The following HOMER2 variants were observed in gnomAD, a reference collection of about 807,000 sequenced individuals.
HOMER2 encodes the protein homer scaffold protein 2.
Under a neutral mutation model 47.0 loss-of-function variants are expected in HOMER2, and 27 were observed. The ratio of observed to expected loss-of-function variants is 0.57; its 90% confidence interval spans 0.42 to 0.79. HOMER2 has a LOEUF of 0.79. Ranked by LOEUF, HOMER2 falls within the 30% of genes least tolerant of loss-of-function variation. The pLI is 0.00. For synonymous variants in HOMER2, 161 were observed against 163.8 expected (o/e 0.98, Z 0.13); for missense variants, 443 against 435.0 (o/e 1.02, Z -0.16).
At chr15:82,948,332 A>C (rs1373089021) in intron 1 of HOMER2, among the ~76,000 whole-genome samples, 2 of 148,464 alleles carry the variant, frequency 1.3e-5, no homozygotes, top group East Asian at 2.0e-4. Flanking sequence ...CGGAGCTTGC[A>C]GTGAGCCAAG....
chr15:82,858,510 G>A (rs972641858), intron 5 of HOMER2, among the ~76,000 whole-genome samples: 1 of 152,124 alleles, frequency 6.6e-6, no homozygotes, highest in Admixed American at 6.5e-5. Context: ...TACCCAGGCT[G>A]GTCTCAAACT....
downstream of HOMER2, among the ~76,000 whole-genome samples, chr15:82,847,890 G>A (rs1363414345): frequency 6.6e-6 from 1 of 152,200 alleles, no homozygotes; most frequent in African/African-American, 2.4e-5. Context: ...GGTGCAGCCA[G>A]GAGGGAGCTG....
At chr15:82,872,878 T>A (rs1034403322) in intron 3 of HOMER2, among the ~76,000 whole-genome samples, 3 of 151,966 alleles carry the variant, frequency 2.0e-5, no homozygotes, top group Non-Finnish European at 4.4e-5. Flanking sequence ...GACAAAGAGG[T>A]TTGAGCAACA....
chr15:82,918,301 G>T (rs1264392286), intron 1 of HOMER2, among the ~76,000 whole-genome samples: 1 of 152,148 alleles, frequency 6.6e-6, no homozygotes, highest in Non-Finnish European at 1.5e-5. Context: ...TCAGGCCACG[G>T]TGCTCTGGGG....
exon 2 of HOMER2, chr15:82,840,148 C>T (rs915397139): frequency 6.6e-6 from 1 of 151,878 alleles, no homozygotes; most frequent in Admixed American, 6.6e-5. Context: ...AAAGTCGTAC[C>T]TTACAATGTT....
At chr15:82,946,846 A>C (rs2054394186) in intron 1 of HOMER2, among the ~76,000 whole-genome samples, 1 of 152,178 alleles carries the variant, frequency 6.6e-6, no homozygotes, top group African/African-American at 2.4e-5. Flanking sequence ...TGGCTGTGTA[A>C]CCATCAGTGT....
At chr15:82,931,264 G>A (rs1309228487) in intron 1 of HOMER2, among the ~76,000 whole-genome samples, 1 of 152,168 alleles carries the variant, frequency 6.6e-6, no homozygotes, top group Non-Finnish European at 1.5e-5. Context: ...ACAGAGCTCT[G>A]CCCTTGAGAG....
At chr15:82,897,043 G>C (rs2052946257) in intron 1 of HOMER2, among the ~76,000 whole-genome samples, 1 of 146,664 alleles carries the variant, frequency 6.8e-6, no homozygotes, top group Non-Finnish European at 1.5e-5. Flanking sequence ...GTATATGACA[G>C]GTCTGAAATT....
intron 1 of HOMER2, among the ~76,000 whole-genome samples, chr15:82,969,276 T>A (rs2029902146): frequency 6.6e-6 from 1 of 152,154 alleles, no homozygotes; most frequent in Admixed American, 6.5e-5. Context: ...TGCAGTAAGG[T>A]CTTGAAGCAA....
intron 4 of HOMER2, among the ~76,000 whole-genome samples, chr15:82,861,721 C>A (rs139798991): frequency 0.016 from 2,396 of 152,138 alleles, 66 homozygotes; most frequent in African/African-American, 0.055. Flanking sequence ...AAAAAGCATA[C>A]AAGGGCCGGG....
At chr15:82,931,433 T>G (rs2151196257) in intron 1 of HOMER2, among the ~76,000 whole-genome samples, 1 of 152,248 alleles carries the variant, frequency 6.6e-6, no homozygotes, top group Non-Finnish European at 1.5e-5. Flanking sequence ...GTAGCTTTTT[T>G]TAGCTCCCTC....
intron 1 of HOMER2, among the ~76,000 whole-genome samples, chr15:82,929,941 G>T (rs2053964897): frequency 6.6e-6 from 1 of 151,704 alleles, no homozygotes; most frequent in Non-Finnish European, 1.5e-5. Flanking sequence ...TGTTGGTCAG[G>T]CTGGTCTTGA....
chr15:82,966,817 A>G (rs2054679337), intron 1 of HOMER2, among the ~76,000 whole-genome samples: 1 of 152,216 alleles, frequency 6.6e-6, no homozygotes. Flanking sequence ...TGAAACTAAT[A>G]GCATCTTGTC....
intron 2 of HOMER2, among the ~76,000 whole-genome samples, chr15:82,886,970 A>C (rs1169789619): frequency 0.022 from 18 of 806 alleles, no homozygotes; most frequent in Non-Finnish European, 0.018. Context: ...TCATTAGTTG[A>C]TGCAGTTTCT....
chr15:82,982,745 C>A (rs2030437634), intron 1 of HOMER2, among the ~76,000 whole-genome samples: 1 of 152,170 alleles, frequency 6.6e-6, no homozygotes, highest in African/African-American at 2.4e-5. Context: ...AGGAAACAAC[C>A]AAACTAGCCT....
At chr15:82,910,315 A>G (rs2053416358) in intron 1 of HOMER2, among the ~76,000 whole-genome samples, 1 of 152,148 alleles carries the variant, frequency 6.6e-6, no homozygotes. Context: ...ACTGACAACC[A>G]TATAGGCTTG....
intron 5 of HOMER2, among the ~76,000 whole-genome samples, chr15:82,857,885 G>A (rs1159657142): frequency 1.3e-5 from 2 of 152,088 alleles, no homozygotes; most frequent in Non-Finnish European, 2.9e-5. Context: ...CAGCCTGTGG[G>A]GAATGCTCCA....
rs1264571345 is a variant in HOMER2, at chr15:82,849,188, C to CCCT, written c.*526_*527insAGG. The CCCT allele has an allele frequency of 6.6e-6, 1 of 152,544 alleles. No individual in the cohort carries two copies. Among genetic ancestry groups the CCCT allele is most frequent in the Non-Finnish European group, 1.5e-5 (1 of 68,352 alleles). 9.4% of individuals were successfully genotyped at this position (152,544 alleles called of 1,614,324 possible). On this transcript the variant is annotated 3_prime_UTR_variant, in exon 9 of 9. Coordinates refer to ENST00000450735, the MANE Select transcript of HOMER2 (RefSeq NM_004839.4). The stretch of plus-strand genomic sequence containing the variant: ...GGCAACTCCGGGCCAGAAAATGCAC[C>CCCT]CACCAGAAGCTTGTTTTCCATCTCT...
chr15:82,894,788 CAA>C (rs917831273), intron 1 of HOMER2, among the ~76,000 whole-genome samples: 3 of 132,996 alleles, frequency 2.3e-5, no homozygotes, highest in Non-Finnish European at 3.2e-5. Context: ...TTTACAATGT[CAA>C]AAGAGATAAA....
Sources: allele counts gnomAD v4.1 joint callset (sites outside exome capture counted in the v4.1 genomes callset), GRCh38; gene constraint gnomAD v4.1.1; transcripts MANE v1.5; gene names NCBI Gene and HGNC (gene_info 2026-07-23, HGNC 2026-07-21).